The following SEMA3E variants were observed in gnomAD, a reference collection of about 807,000 sequenced individuals.
SEMA3E encodes semaphorin 3E.
In SEMA3E, 49 loss-of-function variants were observed where a neutral mutation model predicts 93.6. That is an observed-to-expected ratio of 0.52 (90% confidence interval 0.42 to 0.66). The LOEUF is 0.66. SEMA3E is among the 30% of genes least tolerant of loss of function. The probability of loss-of-function intolerance (pLI) is 0.00; values close to 1 mark genes in which losing one functional copy is unlikely to be tolerated. For missense variants in SEMA3E, 906 were observed against 964.8 expected (o/e 0.94, Z 0.81); for synonymous variants, 363 against 330.7 (o/e 1.10, Z -1.06).
rs768289406 is a variant in SEMA3E, at chr7:83,390,206, C to CATATATGCGCGTATATATGCGCGT, written c.1667+2325_1667+2348dup. The stretch of plus-strand genomic sequence containing the variant: ...ACATATATGCGCGTATACGTGTGCA[C>CATATATGCGCGTATATATGCGCGT]ATATATGCGCGTATATATGCGCGTA... On this transcript the variant is annotated intron_variant, in intron 14 of 16. Coordinates refer to ENST00000643230, the MANE Select transcript of SEMA3E (RefSeq NM_012431.3). Among the ~76,000 whole-genome samples, 507 of 82,566 alleles carry CATATATGCGCGTATATATGCGCGT rather than the reference C, an allele frequency of 6.1e-3. 113 individuals are homozygous for CATATATGCGCGTATATATGCGCGT. Among genetic ancestry groups the CATATATGCGCGTATATATGCGCGT allele is most frequent in the African/African-American group, 0.033 (470 of 14,124 alleles). The allele number at this position is 82,566 out of a possible 152,430, so 54.2% of individuals were successfully genotyped here. A position where few individuals can be genotyped will look rare whatever the true frequency, so the allele number is the denominator to read the frequency against.
At chr7:83,439,371 C>G (rs1269053278) in intron 4 of SEMA3E, among the ~76,000 whole-genome samples, 1 of 152,344 alleles carries the variant, frequency 6.6e-6, no homozygotes. Flanking sequence ...GCCCAGGCTG[C>G]AGCCATATAG....
At chr7:83,610,936 C>T (rs111265286) in intron 1 of SEMA3E, among the ~76,000 whole-genome samples, 2,677 of 152,104 alleles carry the variant, frequency 0.018, 81 homozygotes, top group African/African-American at 0.059. Flanking sequence ...TGATAAACAC[C>T]TTCTCTCTTC....
At chr7:83,553,299 A>C (rs948007998) in intron 1 of SEMA3E, among the ~76,000 whole-genome samples, 1 of 151,830 alleles carries the variant, frequency 6.6e-6, no homozygotes, top group Non-Finnish European at 1.5e-5. Context: ...TCCATGTATA[A>C]CTCCCTACAG....
intron 1 of SEMA3E, chr7:83,641,436 T>TA (rs958538067): frequency 1.4e-5 from 14 of 968,364 alleles, no homozygotes; most frequent in Non-Finnish European, 1.5e-5. Flanking sequence ...TAGTTTAACT[T>TA]TAGGCAGTGT....
rs150931802 is a variant in SEMA3E, at chr7:83,396,784, C to CAA, written c.1367-57_1367-56dup. On this transcript the variant is annotated intron_variant, in intron 11 of 16. Coordinates refer to ENST00000643230, the MANE Select transcript of SEMA3E (RefSeq NM_012431.3). ...AGAATCTATGTCACAGTACGGTTTT[C>CAA]AAAAAAACCATGTAGCTGGCTGGGT... is the stretch of plus-strand genomic sequence containing the variant. The CAA allele has an allele frequency of 0.66, 771,256 of 1,165,438 alleles. 267,395 individuals carry two copies. The highest frequency in any genetic ancestry group is 0.83 in the East Asian group (33,838 of 40,982). The allele number at this position is 1,165,438 out of a possible 1,614,324, so 72.2% of individuals were successfully genotyped here. A position where few individuals can be genotyped will look rare whatever the true frequency, so the allele number is the denominator to read the frequency against.
At chr7:83,519,325 T>C (rs896316440) in intron 1 of SEMA3E, among the ~76,000 whole-genome samples, 1 of 152,278 alleles carries the variant, frequency 6.6e-6, no homozygotes, top group South Asian at 2.1e-4. Flanking sequence ...CCAACTCAAA[T>C]ACATCTTCTT....
Position 83,402,686 on chromosome 7 carries a change from A to G in SEMA3E, c.1089T>C (p.Pro363=). The change falls in exon 10 of 17, where the codon CCT becomes CCC. Residue 363 remains proline, a synonymous_variant. Coordinates refer to ENST00000643230, the MANE Select transcript of SEMA3E (RefSeq NM_012431.3). Reference sequence around the variant, plus strand: ...CTTCATAGACTGACCAGTGGTATTCAGGTCCTTCCTTATGTGCATATGGTC... The same window carrying G: ...CTTCATAGACTGACCAGTGGTATTCGGGTCCTTCCTTATGTGCATATGGTC... ...FNGPYAHKEG[P]EYHWSVYEGK... is the part of the protein sequence containing the mutation. The G allele has an allele frequency of 6.2e-7, 1 of 1,612,956 alleles. No individual in the cohort carries two copies. The highest frequency in any genetic ancestry group is 8.5e-7 in the Non-Finnish European group (1 of 1,179,120).
chr7:83,389,707 T>TATACACGTATATATTACATGTATACATAC (rs1562757860), intron 14 of SEMA3E, among the ~76,000 whole-genome samples: 66 of 150,110 alleles, frequency 4.4e-4, no homozygotes, highest in African/African-American at 1.6e-3. Flanking sequence ...TACACACATA[T>TATACACGTATATATTACATGTATACATAC]ATACACGTAT....
chr7:83,533,966 C>A (rs1451042347), intron 1 of SEMA3E, among the ~76,000 whole-genome samples: 1 of 152,098 alleles, frequency 6.6e-6, no homozygotes, highest in African/African-American at 2.4e-5. Context: ...CCTCTTTATC[C>A]CAAGTTCTAG....
At chr7:83,382,609 G>A (rs542565831) in intron 16 of SEMA3E, among the ~76,000 whole-genome samples, 1 of 151,544 alleles carries the variant, frequency 6.6e-6, no homozygotes, top group Non-Finnish European at 1.5e-5. Flanking sequence ...CATAATAATT[G>A]ATGCTATACA....
intron 1 of SEMA3E, among the ~76,000 whole-genome samples, chr7:83,545,848 A>C (rs1791639316): frequency 6.8e-6 from 1 of 147,242 alleles, no homozygotes; most frequent in South Asian, 2.1e-4. Context: ...CTCCAGTAGT[A>C]TGACGGATAT....
intron 2 of SEMA3E, among the ~76,000 whole-genome samples, chr7:83,474,797 T>G (rs1213292718): frequency 1.3e-5 from 2 of 152,152 alleles, no homozygotes; most frequent in African/African-American, 2.4e-5. Flanking sequence ...GTTTATAAGC[T>G]TTACCTGATC....
intron 1 of SEMA3E, among the ~76,000 whole-genome samples, chr7:83,521,748 G>A (rs1345269738): frequency 6.6e-6 from 1 of 152,078 alleles, no homozygotes; most frequent in Non-Finnish European, 1.5e-5. Flanking sequence ...TGTCCTCACA[G>A]GCAATAGAGA....
intron 1 of SEMA3E, among the ~76,000 whole-genome samples, chr7:83,622,847 G>A (rs1584370808): frequency 6.6e-6 from 1 of 151,850 alleles, no homozygotes; most frequent in Middle Eastern, 3.4e-3. Flanking sequence ...GAAGAGTTGC[G>A]AAGGGCATCA....
At chr7:83,521,031 A>G (rs1374582853) in intron 1 of SEMA3E, among the ~76,000 whole-genome samples, 2 of 150,616 alleles carry the variant, frequency 1.3e-5, no homozygotes, top group Non-Finnish European at 2.9e-5. Context: ...GATTGTTTTC[A>G]TTGCAGTTAG....
chr7:83,493,270 G>A (rs781582574), intron 1 of SEMA3E, among the ~76,000 whole-genome samples: 1 of 151,810 alleles, frequency 6.6e-6, no homozygotes, highest in Non-Finnish European at 1.5e-5. Context: ...ACTATCACAT[G>A]TCCCATGTTT....
intron 1 of SEMA3E, among the ~76,000 whole-genome samples, chr7:83,626,778 A>C (rs1198364855): frequency 1.3e-5 from 2 of 151,842 alleles, no homozygotes; most frequent in East Asian, 3.9e-4. Context: ...TGCTTCTCCA[A>C]GTCTTTTAAT....
intron 11 of SEMA3E, among the ~76,000 whole-genome samples, chr7:83,398,378 C>T (rs751856836): frequency 6.6e-6 from 1 of 152,092 alleles, no homozygotes; most frequent in Non-Finnish European, 1.5e-5. Context: ...ATTACTTTTG[C>T]ACCAAACTAA....
At chr7:83,610,540 G>A (rs1793230221) in intron 1 of SEMA3E, among the ~76,000 whole-genome samples, 1 of 151,784 alleles carries the variant, frequency 6.6e-6, no homozygotes, top group Non-Finnish European at 1.5e-5. Flanking sequence ...CATTTTCCTA[G>A]CCCATTCTAG....
Sources: gnomAD v4.1 joint callset for allele counts (sites outside exome capture counted in the v4.1 genomes callset) on GRCh38, gnomAD v4.1.1 for gene constraint, MANE v1.5 for transcripts, NCBI Gene and HGNC (gene_info 2026-07-23, HGNC 2026-07-21) for gene names.